Variants in KIAA1671 observed in about 807,000 individuals in gnomAD.
KIAA1671 encodes the protein uncharacterized protein KIAA1671.
A neutral mutation model predicts 131.2 loss-of-function variants in KIAA1671; 52 were observed. That is an observed-to-expected ratio of 0.40 (90% confidence interval 0.32 to 0.50). The LOEUF is 0.50. Among genes scored for constraint, KIAA1671 ranks in the 20% least tolerant of loss-of-function variants. KIAA1671 has a pLI of 0.73. For synonymous variants in KIAA1671, 1,003 were observed against 961.6 expected (o/e 1.04, Z -0.80); for missense variants, 2,360 against 2,364.2 (o/e 1.00, Z 0.04).
chr22:24,997,750 C>T (rs1293580884), intron 1 of KIAA1671, among the ~76,000 whole-genome samples: 3 of 152,104 alleles, frequency 2.0e-5, no homozygotes, highest in African/African-American at 4.8e-5. Context: ...CAGGAAAGTA[C>T]ACACATCTTA....
chr22:24,994,527 T>TC (rs1453526518), intron 1 of KIAA1671, among the ~76,000 whole-genome samples: 1 of 151,852 alleles, frequency 6.6e-6, no homozygotes, highest in Non-Finnish European at 1.5e-5. Context: ...TTGGGTGGAG[T>TC]CCAACAGTGT....
chr22:25,029,470 T>C lies in KIAA1671; in HGVS notation c.1471T>C (p.Ser491Pro). 1.3e-6 allele frequency: 2 copies of C among 1,551,210 alleles called. No homozygotes were observed. The highest frequency in any genetic ancestry group is 1.7e-6 in the Non-Finnish European group (2 of 1,146,790). ...GATCAGAGGCTGGACTGCCGAGAGC[T>C]CAGAGGCTAAGCCCGAGGTCAGGAG... ...ERIRGWTAES[S>P]EAKPEVRRRT... Residue 491 changes from serine to proline, a missense_variant, in exon 3 of 13, where the codon TCA (serine) becomes CCA (proline). Coordinates refer to ENST00000358431, the MANE Select transcript of KIAA1671 (RefSeq NM_001145206.2).
chr22:25,033,680 G>A (rs1926428289), intron 4 of KIAA1671, among the ~76,000 whole-genome samples: 1 of 140,026 alleles, frequency 7.1e-6, no homozygotes, highest in Non-Finnish European at 1.5e-5. Context: ...CCGGGTTCAA[G>A]CAATTCTCCT....
At chr22:25,149,486 C>T (rs1422431493) in intron 6 of KIAA1671, among the ~76,000 whole-genome samples, 2 of 152,106 alleles carry the variant, frequency 1.3e-5, no homozygotes, top group Non-Finnish European at 2.9e-5. Context: ...ATCCTTTTCC[C>T]TCCCCTTCCC....
intron 1 of KIAA1671, among the ~76,000 whole-genome samples, chr22:24,972,817 G>A (rs1168691154): frequency 6.6e-6 from 1 of 152,218 alleles, no homozygotes; most frequent in Non-Finnish European, 1.5e-5. Context: ...GTGGGGAGAA[G>A]CAGGCACAAA....
At chr22:25,024,564 C>T (rs1351749840) in intron 1 of KIAA1671, 4 of 152,218 alleles carry the variant, frequency 2.6e-5, no homozygotes, top group Non-Finnish European at 4.4e-5. Context: ...GCCACAGCCA[C>T]AGCTAGAGTA....
At chr22:25,079,233 CTT>C (rs67245632) in intron 6 of KIAA1671, among the ~76,000 whole-genome samples, 14 of 146,702 alleles carry the variant, frequency 9.5e-5, no homozygotes, top group African/African-American at 1.0e-4. Context: ...CAGGGACTAA[CTT>C]TTTTTTTTTT....
At chr22:25,100,879 G>C (rs925437965) in intron 6 of KIAA1671, among the ~76,000 whole-genome samples, 3 of 152,168 alleles carry the variant, frequency 2.0e-5, no homozygotes, top group African/African-American at 4.8e-5. Flanking sequence ...AAGAAGGCCA[G>C]AAAGGCCTTC....
chr22:24,989,622 G>T (rs1159623728), intron 1 of KIAA1671, among the ~76,000 whole-genome samples: 1 of 152,104 alleles, frequency 6.6e-6, no homozygotes, highest in Non-Finnish European at 1.5e-5. Context: ...CTGGCCCAAG[G>T]CAAGAGTGTG....
At chr22:24,982,784 G>T (rs940571457) in intron 1 of KIAA1671, among the ~76,000 whole-genome samples, 3 of 152,236 alleles carry the variant, frequency 2.0e-5, no homozygotes, top group African/African-American at 7.2e-5. Flanking sequence ...AGGCCTGGAA[G>T]TTGGGAATTG....
chr22:25,086,419 G>T (rs925165831), intron 6 of KIAA1671, among the ~76,000 whole-genome samples: 1 of 152,188 alleles, frequency 6.6e-6, no homozygotes, highest in Non-Finnish European at 1.5e-5. Flanking sequence ...ATAAATATGT[G>T]TTGAGCTGAA....
chr22:25,155,610 TTG>T (rs1168220355), intron 6 of KIAA1671, among the ~76,000 whole-genome samples: 4 of 152,174 alleles, frequency 2.6e-5, no homozygotes, highest in East Asian at 1.9e-4. Context: ...TTGTGTATAT[TTG>T]TGTTTGTGTG....
intron 8 of KIAA1671, chr22:25,176,289 T>C (rs1318890308): frequency 1.3e-5 from 2 of 152,268 alleles, no homozygotes; most frequent in African/African-American, 4.8e-5. Flanking sequence ...TTGGGACTTT[T>C]GTTACTTACC....
intron 9 of KIAA1671, among the ~76,000 whole-genome samples, chr22:25,178,620 C>T (rs1241920480): frequency 6.6e-6 from 1 of 152,240 alleles, no homozygotes; most frequent in Admixed American, 6.5e-5. Flanking sequence ...CTAGACCATG[C>T]AGCCTGCTCA....
chr22:25,049,038 C>A, intron 5 of KIAA1671, 192 bp from the exon 6 acceptor site: 1 of 640,964 alleles, frequency 1.6e-6, no homozygotes, highest in Non-Finnish European at 2.6e-6. Flanking sequence ...TATTAAATGG[C>A]TGAGGCTGGG....
intron 3 of KIAA1671, among the ~76,000 whole-genome samples, chr22:25,030,116 T>C (rs1234431539): frequency 6.6e-6 from 1 of 152,218 alleles, no homozygotes; most frequent in Non-Finnish European, 1.5e-5. Flanking sequence ...ATAATGATAC[T>C]CTAAGTCAGT....
intron 1 of KIAA1671, among the ~76,000 whole-genome samples, chr22:25,021,188 G>C (rs1925646261): frequency 6.6e-6 from 1 of 152,110 alleles, no homozygotes; most frequent in Non-Finnish European, 1.5e-5. Context: ...CTCCTGAGTA[G>C]CTGGGACTAT....
chr22:25,152,063 T>A (rs1933063426), intron 6 of KIAA1671, among the ~76,000 whole-genome samples: 1 of 152,222 alleles, frequency 6.6e-6, no homozygotes, highest in African/African-American at 2.4e-5. Context: ...ACTTCCTGTG[T>A]CAGTGAATAT....
intron 6 of KIAA1671, among the ~76,000 whole-genome samples, chr22:25,118,208 T>G (rs1286031650): frequency 6.6e-6 from 1 of 151,828 alleles, no homozygotes; most frequent in African/African-American, 2.4e-5. Flanking sequence ...GGAGCATCCT[T>G]TCTCACCTCT....
Sources: gnomAD v4.1 joint callset for allele counts (sites outside exome capture counted in the v4.1 genomes callset) on GRCh38, gnomAD v4.1.1 for gene constraint, MANE v1.5 for transcripts, NCBI Gene and HGNC (gene_info 2026-07-23, HGNC 2026-07-21) for gene names.